The following NR3C2 variants were observed in gnomAD, a reference collection of about 807,000 sequenced individuals.
NR3C2 encodes the protein mineralocorticoid receptor.
A neutral mutation model predicts 86.4 loss-of-function variants in NR3C2; 15 were observed. The ratio of observed to expected loss-of-function variants is 0.17; its 90% CI spans 0.12 to 0.27. The LOEUF is 0.27. Among genes scored for constraint, NR3C2 ranks in the 10% least tolerant of loss-of-function variants. The pLI, the probability that NR3C2 is intolerant of heterozygous loss-of-function variation, is 1.00. For missense variants in NR3C2, 960 were observed against 1,195.6 expected (o/e 0.80, Z 2.91); for synonymous variants, 458 against 450.5 (o/e 1.02, Z -0.21).
Position 148,313,770 on chromosome 4 carries a change from C to T in NR3C2, c.1758-53653G>A, listed in dbSNP as rs531563006. ...TTACTACAGCCTGGCTTTCTTCCTG[C>T]TGTATGTCTTCTGTCTTGCAAAGAT... On this transcript the variant is annotated intron_variant, in intron 2 of 8. Transcript: ENST00000358102. 2.0e-5 allele frequency among the ~76,000 whole-genome samples: 3 copies of T among 152,268 alleles called. No individual in the cohort carries two copies. The South Asian group carries it at 6.2e-4, about 32-fold the overall frequency.
rs1240890339 is a variant in NR3C2 at position 148,120,217 on chromosome 4, C to T, written c.2582G>A (p.Arg861Gln). 1.1e-5 allele frequency: 17 copies of T among 1,613,990 alleles called. No individual in the cohort carries two copies. The highest frequency in any genetic ancestry group is 4.0e-5 in the African/African-American group (3 of 74,898). ...GMHQISLQFV[R>Q]LQLTFEEYTI... ...GTATTCTTCAAAGGTGAGCTGCAGT[C>T]GAACGAACTGAAGGCTGATTTGGTG... is the stretch of plus-strand genomic sequence containing the variant. The change falls in exon 7 of 9, where the codon CGA becomes CAA. Residue 861 changes from arginine (R) to glutamine (Q), a missense_variant. Arg to Gln is a conservative substitution (Grantham distance 43, BLOSUM62 1). Coordinates refer to ENST00000358102, the MANE Select transcript of NR3C2 (RefSeq NM_000901.5).
At chr4:148,309,143 TG>T (rs1263896589) in intron 2 of NR3C2, among the ~76,000 whole-genome samples, 2 of 152,136 alleles carry the variant, frequency 1.3e-5, no homozygotes, top group Non-Finnish European at 2.9e-5. Flanking sequence ...TGAACAGGTA[TG>T]ATTATTATGT....
chr4:148,216,051 G>A (rs893035402), intron 3 of NR3C2, among the ~76,000 whole-genome samples: 8 of 152,100 alleles, frequency 5.3e-5, no homozygotes, highest in African/African-American at 1.9e-4. Context: ...GCCTCCCAAA[G>A]TGTGAGACAT....
intron 2 of NR3C2, among the ~76,000 whole-genome samples, chr4:148,390,138 A>C (rs1268886138): frequency 2.0e-5 from 3 of 151,692 alleles, no homozygotes; most frequent in Non-Finnish European, 4.4e-5. Context: ...AAAAAAAAAA[A>C]ACTCTGCAGG....
intron 2 of NR3C2, among the ~76,000 whole-genome samples, chr4:148,337,053 C>T (rs1009258209): frequency 1.3e-5 from 2 of 152,156 alleles, no homozygotes; most frequent in African/African-American, 4.8e-5. Context: ...CTGTGGCCTC[C>T]CAAAGTGCTG....
At chr4:148,322,492 T>C (rs1743664620) in intron 2 of NR3C2, among the ~76,000 whole-genome samples, 1 of 103,054 alleles carries the variant, frequency 9.7e-6, no homozygotes, top group African/African-American at 5.1e-5. Flanking sequence ...TTGGTTCCAT[T>C]CTCCCCATCA....
intron 2 of NR3C2, among the ~76,000 whole-genome samples, chr4:148,323,884 T>C (rs11736713): frequency 0.34 from 51,393 of 152,026 alleles, 9,933 homozygotes; most frequent in African/African-American, 0.54. Context: ...TGTTCCCATT[T>C]GGCCATCTTG....
intron 8 of NR3C2, among the ~76,000 whole-genome samples, chr4:148,084,103 A>T (rs1423006341): frequency 2.6e-5 from 4 of 152,212 alleles, no homozygotes; most frequent in African/African-American, 9.6e-5. Flanking sequence ...ACTCTTCAGG[A>T]TATTATCCAG....
At chr4:148,326,060 C>T (rs557808033) in intron 2 of NR3C2, among the ~76,000 whole-genome samples, 27 of 152,158 alleles carry the variant, frequency 1.8e-4, no homozygotes, top group African/African-American at 5.5e-4. Context: ...GATCAATGGA[C>T]GCAGGTTGGG....
At chr4:148,399,919 T>C (rs1298272622) in intron 2 of NR3C2, among the ~76,000 whole-genome samples, 1 of 152,238 alleles carries the variant, frequency 6.6e-6, no homozygotes, top group African/African-American at 2.4e-5. Flanking sequence ...ATGCAAACCA[T>C]AAACTTTTCT....
intron 6 of NR3C2, among the ~76,000 whole-genome samples, chr4:148,122,190 TG>T (rs1732537976): frequency 6.6e-6 from 1 of 152,256 alleles, no homozygotes; most frequent in South Asian, 2.1e-4. Flanking sequence ...ACTCATCATT[TG>T]GGTGTCTTCT....
At chr4:148,360,456 A>C (rs1199721264) in intron 2 of NR3C2, among the ~76,000 whole-genome samples, 1 of 152,200 alleles carries the variant, frequency 6.6e-6, no homozygotes, top group Non-Finnish European at 1.5e-5. Context: ...TGTGTATTAA[A>C]GGCTCTTACG....
intron 2 of NR3C2, among the ~76,000 whole-genome samples, chr4:148,292,665 C>T (rs938394876): frequency 6.6e-6 from 1 of 151,884 alleles, no homozygotes; most frequent in Non-Finnish European, 1.5e-5. Context: ...TATGGTCTGA[C>T]GGGGAGTAAG....
chr4:148,136,310 A>G (rs1273684530), intron 6 of NR3C2, among the ~76,000 whole-genome samples: 1 of 151,638 alleles, frequency 6.6e-6, no homozygotes, highest in Non-Finnish European at 1.5e-5. Context: ...GGTCAAGCAG[A>G]AACAGAAAAA....
intron 4 of NR3C2, among the ~76,000 whole-genome samples, chr4:148,191,628 C>T (rs774287068): frequency 5.3e-5 from 8 of 152,284 alleles, no homozygotes; most frequent in Middle Eastern, 3.4e-3. Context: ...ATTATTCTTA[C>T]GTTTGGCTAT....
intron 2 of NR3C2, among the ~76,000 whole-genome samples, chr4:148,423,784 C>T (rs1749396838): frequency 6.6e-6 from 1 of 152,190 alleles, no homozygotes; most frequent in African/African-American, 2.4e-5. Context: ...CTCACTGCAA[C>T]CTCCACTTCC....
intron 2 of NR3C2, among the ~76,000 whole-genome samples, chr4:148,383,975 C>G (rs1747137020): frequency 1.4e-5 from 2 of 146,344 alleles, no homozygotes; most frequent in Admixed American, 6.8e-5. Context: ...AAAAAAGCAC[C>G]TTTTAAAATT....
At chr4:148,267,837 G>C (rs1045021366) in intron 2 of NR3C2, among the ~76,000 whole-genome samples, 1 of 150,992 alleles carries the variant, frequency 6.6e-6, no homozygotes, top group Non-Finnish European at 1.5e-5. Context: ...TTTAACAACT[G>C]TTTTACTGAA....
intron 2 of NR3C2, among the ~76,000 whole-genome samples, chr4:148,280,348 C>T (rs913082111): frequency 7.9e-5 from 12 of 152,138 alleles, no homozygotes; most frequent in African/African-American, 2.4e-4. Flanking sequence ...GTTACTTATT[C>T]ACCTAGATGG....
Sources: allele counts gnomAD v4.1 joint callset (sites outside exome capture counted in the v4.1 genomes callset), GRCh38; gene constraint gnomAD v4.1.1; transcripts MANE v1.5; gene names NCBI Gene and HGNC (gene_info 2026-07-23, HGNC 2026-07-21).